Variants in ARID4A observed in about 807,000 individuals in gnomAD.
The protein encoded by ARID4A is AT-rich interaction domain 4A, also known as AT-rich interactive domain-containing protein 4A.
ARID4A carries 39 observed loss-of-function variants against 148.6 expected under a neutral mutation model. The ratio of observed to expected loss-of-function variants is 0.26; its 90% CI spans 0.20 to 0.34. The LOEUF (loss-of-function observed/expected upper bound fraction) is 0.34. Ranked by LOEUF, ARID4A falls within the 10% of genes least tolerant of loss-of-function variation. The pLI is 1.00. For missense variants in ARID4A, 1,265 were observed against 1,449.1 expected, an observed-to-expected ratio of 0.87 and a Z score of 2.06; for synonymous variants, 475 against 481.2, an observed-to-expected ratio of 0.99 and a Z score of 0.17.
At chr14:58,338,447 TCCCC>T (rs1323140443) in intron 11 of ARID4A, among the ~76,000 whole-genome samples, 1 of 152,142 alleles carries the variant, frequency 6.6e-6, no homozygotes, top group Non-Finnish European at 1.5e-5. Flanking sequence ...AGTGCTTAGC[TCCCC>T]ACAGTGGAGC....
intron 11 of ARID4A, among the ~76,000 whole-genome samples, chr14:58,338,654 A>G (rs1485953057): frequency 6.6e-6 from 1 of 152,152 alleles, no homozygotes; most frequent in African/African-American, 2.4e-5. Flanking sequence ...TGAGAAGGGT[A>G]GCCCATGAAG....
chr14:58,334,369 T>C (rs956357538), intron 11 of ARID4A, among the ~76,000 whole-genome samples: 1 of 152,226 alleles, frequency 6.6e-6, no homozygotes, highest in Non-Finnish European at 1.5e-5. Flanking sequence ...TCATTTATTT[T>C]AGGCAGGCTG....
chr14:58,299,099 G>C (rs2030854256), intron 1 of ARID4A, among the ~76,000 whole-genome samples: 1 of 152,200 alleles, frequency 6.6e-6, no homozygotes, highest in Admixed American at 6.5e-5. Context: ...TGTACAAAAA[G>C]TTGAGGCGGG....
intron 13 of ARID4A, 92 bp from the exon 14 acceptor site, chr14:58,346,928 A>C (rs1256621420): frequency 3.4e-4 from 20 of 57,990 alleles, no homozygotes; most frequent in Non-Finnish European, 5.6e-4. Flanking sequence ...ACCCTGTCTC[A>C]AAAAAAAAAA....
chr14:58,360,273 A>G (rs1441078665), intron 18 of ARID4A, among the ~76,000 whole-genome samples: 1 of 152,226 alleles, frequency 6.6e-6, no homozygotes, highest in Admixed American at 6.5e-5. Flanking sequence ...GAGAGGTCAC[A>G]TTCCTCATTT....
intron 9 of ARID4A, 21 bp from the exon 10 acceptor site, chr14:58,329,507 C>A: frequency 1.3e-6 from 2 of 1,482,412 alleles, no homozygotes; most frequent in South Asian, 1.1e-5. Context: ...TTGTTTTCCT[C>A]CCCTTCTTCT....
intron 17 of ARID4A, among the ~76,000 whole-genome samples, chr14:58,355,828 G>A (rs971868012): frequency 4.6e-5 from 7 of 152,016 alleles, no homozygotes; most frequent in African/African-American, 1.7e-4. Context: ...GTATATGTCT[G>A]TGTTCTGCTT....
chr14:58,366,301 ATTAATG>A, intron 22 of ARID4A, 71 bp downstream of exon 22: 1 of 1,183,830 alleles, frequency 8.4e-7, no homozygotes, highest in Non-Finnish European at 1.2e-6. Flanking sequence ...ATCAACTTGG[ATTAATG>A]TTAATAAAAT....
chr14:58,299,711 C>T lies in ARID4A; in HGVS notation c.-57-87C>T, dbSNP rs1322401969. 4.2e-6 allele frequency: 5 copies of T among 1,177,290 alleles called. No homozygotes were observed. The African/African-American group carries it at 6.0e-5, about 14-fold the overall frequency. 72.9% of individuals were successfully genotyped at this position (1,177,290 alleles called of 1,614,324 possible). On this transcript the variant is annotated intron_variant, in intron 1 of 23. Transcript: ENST00000355431. Reference sequence around the variant, plus strand: ...TGGCTGGTGAGGATTCTGCCCCTCCCCGCTGGCGTTTGTTTACTTTCTTTC... The same window carrying T: ...TGGCTGGTGAGGATTCTGCCCCTCCTCGCTGGCGTTTGTTTACTTTCTTTC...
At chr14:58,305,674 G>C (rs2145595) in intron 4 of ARID4A, among the ~76,000 whole-genome samples, 5 of 152,014 alleles carry the variant, frequency 3.3e-5, no homozygotes, top group Admixed American at 3.3e-4. Context: ...ACAGTTCTTC[G>C]ATTTAATTTT....
chr14:58,367,577 C>G (rs1261056577), intron 23 of ARID4A, among the ~76,000 whole-genome samples: 4 of 152,040 alleles, frequency 2.6e-5, no homozygotes, highest in African/African-American at 9.7e-5. Context: ...CAGTGTGTAC[C>G]CTGAGAATGA....
chr14:58,299,879 GC>G lies in ARID4A; in HGVS notation c.6+23del. 6.2e-7 allele frequency: 1 copy of G among 1,614,206 alleles called. No individual in the cohort carries two copies. Among genetic ancestry groups the G allele is most frequent in the Non-Finnish European group, 8.5e-7 (1 of 1,180,026 alleles). ...AATGAAGGTAAGTGGAGTCAACTCTGCCCCGATCCTCGCGCCCTGAACACTG... is the reference window on the plus strand; with the variant it reads ...AATGAAGGTAAGTGGAGTCAACTCTGCCCGATCCTCGCGCCCTGAACACTG... On this transcript the variant is annotated intron_variant, in intron 2 of 23. Coordinates refer to ENST00000355431, the MANE Select transcript of ARID4A (RefSeq NM_002892.4).
At position 58,365,998 on chromosome 14, in the gene ARID4A, G is replaced by A. The variant is rs778194556; in HGVS notation, c.3317-26G>A. 9.9e-5 allele frequency: 152 copies of A among 1,539,090 alleles called. 2 individuals carry two copies. In the East Asian group the frequency reaches 3.4e-3, roughly 34 times the overall value. ...TATTTAAGAATTTTATTTATAATCT[G>A]AGTCAATCTTTTTTATTATTTATAG... On this transcript the variant is annotated intron_variant, in intron 21 of 23. Coordinates refer to ENST00000355431, the MANE Select transcript of ARID4A (RefSeq NM_002892.4).
At chr14:58,348,222 C>T (rs1555363298) in intron 15 of ARID4A, among the ~76,000 whole-genome samples, 1 of 152,014 alleles carries the variant, frequency 6.6e-6, no homozygotes, top group Non-Finnish European at 1.5e-5. Flanking sequence ...ACTCTCAGTC[C>T]CTCTGATGTT....
chr14:58,312,875 G>C (rs1424351926), intron 5 of ARID4A, among the ~76,000 whole-genome samples: 3 of 152,148 alleles, frequency 2.0e-5, no homozygotes, highest in Non-Finnish European at 4.4e-5. Context: ...AGCTTAATAA[G>C]TGATAGCCAA....
chr14:58,303,103 C>T (rs1322211474), intron 3 of ARID4A, among the ~76,000 whole-genome samples: 3 of 151,856 alleles, frequency 2.0e-5, no homozygotes, highest in African/African-American at 4.8e-5. Context: ...TTATTATAAA[C>T]ATTTTTAACA....
At chr14:58,326,869 A>G (rs955788134) in intron 8 of ARID4A, among the ~76,000 whole-genome samples, 1 of 152,164 alleles carries the variant, frequency 6.6e-6, no homozygotes, top group East Asian at 1.9e-4. Flanking sequence ...TTATGTGCCT[A>G]GTGGTATCAC....
intron 15 of ARID4A, among the ~76,000 whole-genome samples, chr14:58,348,639 AAG>A (rs1459121189): frequency 1.3e-5 from 2 of 152,190 alleles, no homozygotes; most frequent in Non-Finnish European, 2.9e-5. Context: ...AAATTTTAGA[AAG>A]AGAAAGGAAT....
chr14:58,326,896 T>C (rs1594901761), intron 8 of ARID4A, among the ~76,000 whole-genome samples: 1 of 152,210 alleles, frequency 6.6e-6, no homozygotes, highest in East Asian at 1.9e-4. Flanking sequence ...TATCCTCCAT[T>C]GTGTTCTTTT....
Sources: allele counts gnomAD v4.1 joint callset (sites outside exome capture counted in the v4.1 genomes callset), GRCh38; gene constraint gnomAD v4.1.1; transcripts MANE v1.5; gene names NCBI Gene and HGNC (gene_info 2026-07-23, HGNC 2026-07-21).